Variants in ANKS1B observed in about 807,000 individuals in gnomAD.
ANKS1B encodes ankyrin repeat and sterile alpha motif domain-containing protein 1B.
A neutral mutation model predicts 148.3 loss-of-function variants in ANKS1B; 36 were observed. The ratio of observed to expected loss-of-function variants is 0.24; its 90% CI spans 0.19 to 0.32. The LOEUF (loss-of-function observed/expected upper bound fraction) is 0.32, where lower values mean the gene tolerates loss of function less well. ANKS1B is among the 10% of genes least tolerant of loss of function. The pLI, the probability that ANKS1B is intolerant of heterozygous loss-of-function variation, is 1.00. For synonymous variants in ANKS1B, 542 were observed against 560.8 expected, an observed-to-expected ratio of 0.97 and a Z score of 0.47; for missense variants, 1,157 against 1,542.6, an observed-to-expected ratio of 0.75 and a Z score of 4.19.
chr12:99,119,548 CT>C (rs762395091), intron 15 of ANKS1B, among the ~76,000 whole-genome samples: 5 of 152,148 alleles, frequency 3.3e-5, no homozygotes, highest in Non-Finnish European at 1.5e-5. Context: ...CTTCATAAGC[CT>C]CCCAAATTCT....
chr12:99,833,307 T>C (rs1349063532), intron 1 of ANKS1B, among the ~76,000 whole-genome samples: 1 of 152,174 alleles, frequency 6.6e-6, no homozygotes, highest in African/African-American at 2.4e-5. Context: ...ACATGATCAG[T>C]CAGTGTTTTA....
chr12:99,947,783 T>C (rs1184896955), intron 1 of ANKS1B, among the ~76,000 whole-genome samples: 1 of 152,170 alleles, frequency 6.6e-6, no homozygotes, highest in African/African-American at 2.4e-5. Flanking sequence ...ATTCAGGTGG[T>C]TGGCAGAATT....
chr12:99,724,757 G>T (rs1388999947), intron 8 of ANKS1B, among the ~76,000 whole-genome samples: 1 of 152,150 alleles, frequency 6.6e-6, no homozygotes, highest in East Asian at 1.9e-4. Flanking sequence ...CAGCCAGAGA[G>T]AAAGACCAGG....
chr12:99,636,153 A>G (rs1043962698), intron 9 of ANKS1B, among the ~76,000 whole-genome samples: 6 of 152,154 alleles, frequency 3.9e-5, no homozygotes, highest in Non-Finnish European at 1.5e-5. Context: ...TTTGATCTAG[A>G]ATATACAGTC....
At chr12:99,263,991 C>G (rs1020578657) in intron 12 of ANKS1B, among the ~76,000 whole-genome samples, 68 of 152,272 alleles carry the variant, frequency 4.5e-4, no homozygotes, top group Non-Finnish European at 7.6e-4. Context: ...TCTTGAATCT[C>G]AAGTTCAAAT....
At chr12:99,461,807 C>G (rs1251910017) in intron 10 of ANKS1B, among the ~76,000 whole-genome samples, 1 of 152,034 alleles carries the variant, frequency 6.6e-6, no homozygotes, top group Non-Finnish European at 1.5e-5. Flanking sequence ...TTCAGATTAC[C>G]ATGTCTAAGG....
intron 8 of ANKS1B, among the ~76,000 whole-genome samples, chr12:99,697,203 GT>G (rs1178399681): frequency 6.6e-6 from 1 of 152,158 alleles, no homozygotes; most frequent in African/African-American, 2.4e-5. Context: ...ATCCTACCAT[GT>G]GGTCTAGTCA....
intron 2 of ANKS1B, among the ~76,000 whole-genome samples, chr12:99,817,191 T>C (rs906136462): frequency 6.8e-6 from 1 of 147,818 alleles, no homozygotes; most frequent in East Asian, 2.1e-4. Flanking sequence ...AAGCCTCCTA[T>C]AAATACCAAT....
intron 11 of ANKS1B, among the ~76,000 whole-genome samples, chr12:99,423,924 AC>A (rs35470219): frequency 6.6e-6 from 1 of 151,038 alleles, no homozygotes; most frequent in Non-Finnish European, 1.5e-5. Flanking sequence ...AATCTGTATA[AC>A]CCCCCCACCC....
chr12:99,259,706 T>A (rs935218947), intron 12 of ANKS1B, among the ~76,000 whole-genome samples: 3 of 152,234 alleles, frequency 2.0e-5, no homozygotes, highest in African/African-American at 4.8e-5. Flanking sequence ...TGTCTTGGCA[T>A]GCGCTTTGCA....
intron 8 of ANKS1B, among the ~76,000 whole-genome samples, chr12:99,658,457 T>G (rs931301067): frequency 1.3e-5 from 2 of 152,106 alleles, no homozygotes; most frequent in African/African-American, 4.8e-5. Flanking sequence ...TACCTAAAAT[T>G]TTCCAGATTT....
intron 15 of ANKS1B, among the ~76,000 whole-genome samples, chr12:99,098,917 T>C (rs1253043546): frequency 6.6e-6 from 1 of 151,994 alleles, no homozygotes; most frequent in Non-Finnish European, 1.5e-5. Flanking sequence ...TTTTTTTCTT[T>C]GAGTTTGTGT....
chr12:99,934,232 CT>C (rs948361586), intron 1 of ANKS1B, among the ~76,000 whole-genome samples: 3 of 151,950 alleles, frequency 2.0e-5, no homozygotes, highest in Admixed American at 2.0e-4. Flanking sequence ...CTGTAGTTTT[CT>C]TTTTTTGATG....
chr12:98,894,944 C>T, intron 17 of ANKS1B: 1 of 872,986 alleles, frequency 1.1e-6, no homozygotes, highest in Non-Finnish European at 1.4e-6. Context: ...CCGCCGCGCG[C>T]CCTCGCACCC....
At chr12:99,306,615 C>G (rs1196631556) in intron 12 of ANKS1B, among the ~76,000 whole-genome samples, 1 of 152,082 alleles carries the variant, frequency 6.6e-6, no homozygotes, top group African/African-American at 2.4e-5. Context: ...ATATCAAAGA[C>G]ATTTTAAAAC....
intron 17 of ANKS1B, among the ~76,000 whole-genome samples, chr12:98,937,158 G>A (rs1233676958): frequency 6.6e-6 from 1 of 152,202 alleles, no homozygotes; most frequent in East Asian, 1.9e-4. Context: ...TCGGGTAGAG[G>A]AGGATGACAT....
At chr12:98,886,810 T>C (rs1238801432) in intron 17 of ANKS1B, among the ~76,000 whole-genome samples, 1 of 152,150 alleles carries the variant, frequency 6.6e-6, no homozygotes, top group Non-Finnish European at 1.5e-5. Context: ...ATGGAAAGAA[T>C]ACATGACATA....
chr12:99,146,050 T>C (rs2072958730), intron 15 of ANKS1B, among the ~76,000 whole-genome samples: 1 of 152,086 alleles, frequency 6.6e-6, no homozygotes, highest in African/African-American at 2.4e-5. Flanking sequence ...TATATAGAAT[T>C]ATGGGTATAC....
chr12:99,471,888 C>A (rs192737841), intron 10 of ANKS1B, among the ~76,000 whole-genome samples: 2 of 152,198 alleles, frequency 1.3e-5, no homozygotes, highest in East Asian at 3.9e-4. Context: ...AGTAAACTAG[C>A]ATGAAATGCC....
Sources: allele counts gnomAD v4.1 joint callset (sites outside exome capture counted in the v4.1 genomes callset), GRCh38; gene constraint gnomAD v4.1.1; transcripts MANE v1.5; gene names NCBI Gene and HGNC (gene_info 2026-07-23, HGNC 2026-07-21).